The following NAV3 variants were observed in gnomAD, a reference collection of about 807,000 sequenced individuals.
NAV3 encodes the protein pore membrane and/or filament interacting like protein 1.
Under a neutral mutation model 244.7 loss-of-function variants are expected in NAV3, and 87 were observed. The observed-to-expected ratio is 0.36, with a 90% CI of 0.30 to 0.42. NAV3 has a LOEUF of 0.42. NAV3 is among the 20% of genes least tolerant of loss of function. The pLI, the probability that NAV3 is intolerant of heterozygous loss-of-function variation, is 1.00. For synonymous variants in NAV3, 1,126 were observed against 1,042.2 expected (o/e 1.08, Z -1.55); for missense variants, 2,663 against 2,893.3 (o/e 0.92, Z 1.83).
chr12:78,095,075 A>ATATATATATATATATATATATATG (rs1566123706), intron 12 of NAV3, among the ~76,000 whole-genome samples: 12 of 146,924 alleles, frequency 8.2e-5, no homozygotes, highest in Non-Finnish European at 1.5e-4. Context: ...ACACACACAC[A>ATATATATATATATATATATATATG]CACACACACA....
chr12:77,999,307 A>G (rs1313329701), intron 7 of NAV3, among the ~76,000 whole-genome samples: 1 of 152,234 alleles, frequency 6.6e-6, no homozygotes, highest in Non-Finnish European at 1.5e-5. Context: ...AGAACTTCAA[A>G]CTTTTCTTCA....
intron 18 of NAV3, among the ~76,000 whole-genome samples, chr12:78,135,618 G>T (rs1432869344): frequency 7.0e-6 from 1 of 143,286 alleles, no homozygotes; most frequent in Non-Finnish European, 1.6e-5. Context: ...ATTTAAACAA[G>T]AGTAAATTCA....
chr12:77,744,691 A>G (rs1163796005), intron 2 of NAV3, among the ~76,000 whole-genome samples: 1 of 151,706 alleles, frequency 6.6e-6, no homozygotes, highest in Non-Finnish European at 1.5e-5. Context: ...AATTTTAAGG[A>G]GATTATAGAG....
intron 12 of NAV3, among the ~76,000 whole-genome samples, chr12:78,078,155 T>A (rs943268170): frequency 5.9e-5 from 9 of 152,062 alleles, no homozygotes; most frequent in Non-Finnish European, 1.3e-4. Context: ...TTAGATTAGG[T>A]CCCACTCCAA....
At chr12:78,024,744 A>G (rs1207182926) in intron 9 of NAV3, among the ~76,000 whole-genome samples, 3 of 151,930 alleles carry the variant, frequency 2.0e-5, no homozygotes, top group Non-Finnish European at 2.9e-5. Flanking sequence ...TTGGGAGGCC[A>G]AGGTGGGCAG....
chr12:77,979,365 C>A (rs1473188130), intron 5 of NAV3, among the ~76,000 whole-genome samples: 1 of 151,728 alleles, frequency 6.6e-6, no homozygotes, highest in East Asian at 1.9e-4. Flanking sequence ...ACATTCCAGC[C>A]TGGTCACAGA....
intron 3 of NAV3, among the ~76,000 whole-genome samples, chr12:77,948,438 T>C (rs1371557007): frequency 2.6e-5 from 4 of 151,982 alleles, no homozygotes; most frequent in Non-Finnish European, 5.9e-5. Flanking sequence ...ATGTAGTTGA[T>C]ATTTCTACTA....
intron 2 of NAV3, among the ~76,000 whole-genome samples, chr12:77,777,340 G>A (rs1187157470): frequency 6.6e-6 from 1 of 152,104 alleles, no homozygotes; most frequent in East Asian, 1.9e-4. Context: ...ATTATACTAT[G>A]CTCACCCTTC....
intron 2 of NAV3, among the ~76,000 whole-genome samples, chr12:77,699,369 A>G (rs1024494283): frequency 2.0e-5 from 3 of 152,122 alleles, no homozygotes; most frequent in African/African-American, 7.2e-5. Context: ...TAGTTGTCAA[A>G]TATTCTAATA....
intron 2 of NAV3, among the ~76,000 whole-genome samples, chr12:77,656,451 C>A (rs1206619913): frequency 8.3e-6 from 1 of 121,010 alleles, no homozygotes; most frequent in Non-Finnish European, 1.6e-5. Context: ...CACCCAGATT[C>A]ATAAAGCAAG....
chr12:77,966,354 A>G, intron 4 of NAV3, 53 bp downstream of exon 4: 4 of 1,425,550 alleles, frequency 2.8e-6, no homozygotes, highest in East Asian at 2.3e-5. Flanking sequence ...TTTTTAAATT[A>G]TTTTTTATAA....
At chr12:78,176,655 A>T (rs1201985327) in intron 26 of NAV3, among the ~76,000 whole-genome samples, 196 bp downstream of exon 26, 1 of 152,126 alleles carries the variant, frequency 6.6e-6, no homozygotes, top group Non-Finnish European at 1.5e-5. Context: ...GCTGTAGGGG[A>T]TACCAATTCT....
rs117245668 is a variant in NAV3, at chr12:77,596,459, G to A, written c.72+24193G>A. 3.0e-4 allele frequency among the ~76,000 whole-genome samples: 45 copies of A among 151,972 alleles called. No homozygotes were observed. The East Asian group carries it at 8.1e-3, about 27-fold the overall frequency. ...AAATACTTAAGGTATATAAAACATGGCTCACATTTCTAAAATATCGAGTAA... is the reference window on the plus strand; with the variant it reads ...AAATACTTAAGGTATATAAAACATGACTCACATTTCTAAAATATCGAGTAA... On this transcript the variant is annotated intron_variant, in intron 2 of 8. Coordinates refer to the NAV3 transcript ENST00000550042.
intron 1 of NAV3, among the ~76,000 whole-genome samples, chr12:77,939,985 G>T (rs1889711928): frequency 6.6e-6 from 1 of 152,060 alleles, no homozygotes; most frequent in Non-Finnish European, 1.5e-5. Flanking sequence ...AAGCAAGATT[G>T]TTTTCAAAAT....
intron 2 of NAV3, among the ~76,000 whole-genome samples, chr12:77,629,945 A>G (rs1424047214): frequency 1.3e-5 from 2 of 152,106 alleles, no homozygotes; most frequent in African/African-American, 4.8e-5. Context: ...CATCCTCAAA[A>G]TTTCTATTAT....
At chr12:77,869,007 G>A (rs1274720149) in intron 1 of NAV3, among the ~76,000 whole-genome samples, 1 of 151,914 alleles carries the variant, frequency 6.6e-6, no homozygotes, top group Admixed American at 6.6e-5. Flanking sequence ...GGGAGGTGGA[G>A]GTTGCAGTGA....
In NAV3 at chr12:78,116,776, G is replaced by A. The variant is rs1252410359; in HGVS notation, c.2641G>A (p.Asp881Asn). Residue 881 changes from aspartate to asparagine, a missense_variant, in exon 13 of 40, where the codon GAT (aspartate) becomes AAT (asparagine). Physicochemically the swap from Asp to Asn is conservative, Grantham distance 23. Around this residue, in one of 6 missense-constraint regions of NAV3, gnomAD observed 1,521 missense variants for 1,497.0 expected, o/e 1.02. Transcript: ENST00000397909. Reference protein sequence around the residue: ...HDVTVDADSWDDSSSVSSGLS... With the variant: ...HDVTVDADSWNDSSSVSSGLS... The stretch of plus-strand genomic sequence containing the variant: ...TCTTGCATGTCTTGCCTTTAGCTGG[G>A]ATGACAGCAGTTCAGTGAGCAGTGG... The A allele has an allele frequency of 1.3e-6, 2 of 1,591,112 alleles. No homozygotes were observed. The highest frequency in any genetic ancestry group is 1.7e-6 in the Non-Finnish European group (2 of 1,165,410).
At chr12:77,999,126 A>G (rs912284847) in intron 7 of NAV3, among the ~76,000 whole-genome samples, 2 of 152,218 alleles carry the variant, frequency 1.3e-5, no homozygotes, top group Non-Finnish European at 2.9e-5. Flanking sequence ...GGGCATTTAA[A>G]GAGGTGCTGA....
chr12:78,137,479 T>A, intron 19 of NAV3, 114 bp downstream of exon 19: 1 of 1,066,980 alleles, frequency 9.4e-7, no homozygotes, highest in Non-Finnish European at 1.3e-6. Flanking sequence ...CTAGTGTAAT[T>A]ATCATTTGGG....
Sources: allele counts gnomAD v4.1 joint callset (sites outside exome capture counted in the v4.1 genomes callset), GRCh38; gene constraint gnomAD v4.1.1; regional missense constraint gnomAD v4.1.1; transcripts MANE v1.5; gene names NCBI Gene and HGNC (gene_info 2026-07-23, HGNC 2026-07-21).